GLRA3: variants seen among roughly 807,000 people sequenced by gnomAD.
The protein encoded by GLRA3 is glycine receptor alpha 3.
GLRA3 carries 44 observed loss-of-function variants against 60.4 expected under a neutral mutation model. That is an observed-to-expected ratio of 0.73 (90% confidence interval 0.57 to 0.94). The LOEUF is 0.94. Among genes scored for constraint, GLRA3 ranks in the 40% least tolerant of loss-of-function variants. The pLI is 0.00. For synonymous variants in GLRA3, 223 were observed against 192.9 expected, an observed-to-expected ratio of 1.16 and a Z score of -1.29; for missense variants, 508 against 564.6, an observed-to-expected ratio of 0.90 and a Z score of 1.02.
chr4:174,729,196 T>C (rs1481749333), intron 3 of GLRA3, among the ~76,000 whole-genome samples: 1 of 152,240 alleles, frequency 6.6e-6, no homozygotes, highest in Non-Finnish European at 1.5e-5. Flanking sequence ...AATAAAATGT[T>C]GGAATGCTGT....
At chr4:174,769,793 C>T (rs1409327084) in intron 2 of GLRA3, among the ~76,000 whole-genome samples, 1 of 152,056 alleles carries the variant, frequency 6.6e-6, no homozygotes, top group Admixed American at 6.6e-5. Flanking sequence ...TGAGAGAGTC[C>T]TTGTTCATCA....
intron 4 of GLRA3, among the ~76,000 whole-genome samples, chr4:174,726,003 T>C (rs1027480954): frequency 6.6e-6 from 1 of 152,258 alleles, no homozygotes; most frequent in Admixed American, 6.5e-5. Flanking sequence ...TGTTATCTTG[T>C]GTCTGTTTCC....
intron 3 of GLRA3, among the ~76,000 whole-genome samples, chr4:174,731,867 C>T (rs1736559691): frequency 6.6e-6 from 1 of 152,128 alleles, no homozygotes; most frequent in Admixed American, 6.5e-5. Flanking sequence ...ACTAGGCAGG[C>T]ATTGCAAATA....
chr4:174,725,908 A>G (rs1736304071), intron 4 of GLRA3, among the ~76,000 whole-genome samples: 1 of 152,216 alleles, frequency 6.6e-6, no homozygotes, highest in African/African-American at 2.4e-5. Context: ...AAGCCTAGAC[A>G]TATAAATACT....
intron 2 of GLRA3, among the ~76,000 whole-genome samples, chr4:174,769,660 A>C (rs1403377832): frequency 6.6e-6 from 1 of 152,036 alleles, no homozygotes; most frequent in Non-Finnish European, 1.5e-5. Flanking sequence ...TTACTTCCAT[A>C]GCTTTCTGTT....
intron 3 of GLRA3, among the ~76,000 whole-genome samples, chr4:174,747,193 G>C (rs548923680): frequency 3.8e-4 from 58 of 152,244 alleles, no homozygotes; most frequent in Non-Finnish European, 6.3e-4. Flanking sequence ...TGACCTAAGA[G>C]GTGAATATCA....
chr4:174,657,953 A>G (rs1041433679), intron 8 of GLRA3, among the ~76,000 whole-genome samples: 3 of 152,170 alleles, frequency 2.0e-5, no homozygotes, highest in Non-Finnish European at 2.9e-5. Flanking sequence ...AAGGCCAATT[A>G]GAAATGATAA....
At chr4:174,790,966 G>A (rs1403578716) in intron 1 of GLRA3, among the ~76,000 whole-genome samples, 1 of 148,282 alleles carries the variant, frequency 6.7e-6, no homozygotes, top group Admixed American at 6.8e-5. Context: ...ATCACGCGAC[G>A]GCACTGCAGC....
At chr4:174,648,761 T>A (rs976810504) in intron 9 of GLRA3, among the ~76,000 whole-genome samples, 1 of 152,072 alleles carries the variant, frequency 6.6e-6, no homozygotes, top group African/African-American at 2.4e-5. Context: ...GTTTTACTGA[T>A]GAGAAGAAAA....
At position 174,828,830 on chromosome 4, in the gene GLRA3, C is replaced by A; in HGVS notation, c.-19G>T. The A allele has an allele frequency of 6.4e-7, 1 of 1,557,176 alleles. No individual in the cohort carries two copies. The highest frequency in any genetic ancestry group is 8.9e-7 in the Non-Finnish European group (1 of 1,128,276). ...GGGCCATGATACGGAGAGATATTCA[C>A]GATCCTGAAAATAGTCTTATCCAAG... On this transcript the variant is annotated 5_prime_UTR_variant, in exon 1 of 10. Coordinates refer to ENST00000274093, the MANE Select transcript of GLRA3 (RefSeq NM_006529.4).
At chr4:174,820,403 G>C (rs1740696963) in intron 1 of GLRA3, among the ~76,000 whole-genome samples, 1 of 152,134 alleles carries the variant, frequency 6.6e-6, no homozygotes, top group Non-Finnish European at 1.5e-5. Flanking sequence ...ACAGAAATTA[G>C]TGAGCTCTTT....
chr4:174,642,058 C>G lies in GLRA3; in HGVS notation c.*1728G>C. ...TGGTTGTGTCATTTGCACATAATGCCAAACATGATATTATTTCCTTATAGT... is the reference window on the plus strand; with the variant it reads ...TGGTTGTGTCATTTGCACATAATGCGAAACATGATATTATTTCCTTATAGT... On this transcript the variant is annotated 3_prime_UTR_variant, in exon 10 of 10. Coordinates refer to ENST00000274093, the MANE Select transcript of GLRA3 (RefSeq NM_006529.4). 1 of 780,294 alleles carries G rather than the reference C, an allele frequency of 1.3e-6. No homozygotes were observed. Among genetic ancestry groups the G allele is most frequent in the Non-Finnish European group, 1.6e-6 (1 of 642,918 alleles). The allele number at this position is 780,294 out of a possible 1,614,324, so 48.3% of individuals were successfully genotyped here.
At chr4:174,722,703 C>T (rs1053393047) in intron 4 of GLRA3, 1 of 164,718 alleles carries the variant, frequency 6.1e-6, no homozygotes, top group Non-Finnish European at 1.5e-5. Flanking sequence ...TTCAATTAGT[C>T]GTCTTTGCAA....
intron 1 of GLRA3, among the ~76,000 whole-genome samples, chr4:174,808,984 A>C (rs1274434323): frequency 1.3e-5 from 2 of 152,196 alleles, no homozygotes; most frequent in Non-Finnish European, 2.9e-5. Context: ...GTGTAGCCTA[A>C]GGGCACAGTG....
At position 174,716,504 on chromosome 4, in the gene GLRA3, C is replaced by A. The variant is rs550805791; in HGVS notation, c.492-934G>T. 2.6e-5 allele frequency among the ~76,000 whole-genome samples: 4 copies of A among 152,240 alleles called. No individual in the cohort carries two copies. In the South Asian group the frequency reaches 8.3e-4, roughly 32 times the overall value. ...ACACCTGAGGAAGAGATGGTGAGATCCACTCAAGTTTATTCAAATGAAGTT... is the reference window on the plus strand; with the variant it reads ...ACACCTGAGGAAGAGATGGTGAGATACACTCAAGTTTATTCAAATGAAGTT... On this transcript the variant is annotated intron_variant, in intron 4 of 9. Coordinates refer to ENST00000274093, the MANE Select transcript of GLRA3 (RefSeq NM_006529.4).
chr4:174,654,867 T>C (rs572095036), intron 9 of GLRA3, among the ~76,000 whole-genome samples: 51 of 152,182 alleles, frequency 3.4e-4, no homozygotes, highest in African/African-American at 1.0e-3. Context: ...CACAGCAGGC[T>C]GGGACAGTGT....
intron 3 of GLRA3, among the ~76,000 whole-genome samples, chr4:174,746,374 A>G (rs1050239770): frequency 6.6e-6 from 1 of 152,140 alleles, no homozygotes; most frequent in Admixed American, 6.5e-5. Flanking sequence ...TCATTCTTTT[A>G]AGTGAAATAA....
chr4:174,682,176 G>A (rs895936215), intron 6 of GLRA3, among the ~76,000 whole-genome samples: 16 of 152,226 alleles, frequency 1.1e-4, no homozygotes, highest in South Asian at 2.1e-4. Context: ...CTAACTGTAT[G>A]TATACATTCT....
intron 2 of GLRA3, among the ~76,000 whole-genome samples, chr4:174,785,936 GTTTTTTTTTT>G (rs752488665): frequency 4.8e-5 from 5 of 103,478 alleles, no homozygotes; most frequent in Admixed American, 4.4e-4. Flanking sequence ...TGCCTGGCTA[GTTTTTTTTTT>G]TTTTTTTTTT....
Sources: gnomAD v4.1 joint callset for allele counts (sites outside exome capture counted in the v4.1 genomes callset) on GRCh38, gnomAD v4.1.1 for gene constraint, MANE v1.5 for transcripts, NCBI Gene and HGNC (gene_info 2026-07-23, HGNC 2026-07-21) for gene names.